The following FRMD3 variants were observed in gnomAD, a reference collection of about 807,000 sequenced individuals.
FRMD3 encodes the protein FERM domain-containing protein 3.
A neutral mutation model predicts 70.2 loss-of-function variants in FRMD3; 33 were observed. The observed-to-expected ratio is 0.47, with a 90% CI of 0.36 to 0.63. FRMD3 has a LOEUF of 0.63. Ranked by LOEUF, FRMD3 falls within the 20% of genes least tolerant of loss-of-function variation. The pLI is 0.00. For missense variants in FRMD3, 632 were observed against 711.4 expected (o/e 0.89, Z 1.27); for synonymous variants, 279 against 255.9 (o/e 1.09, Z -0.86).
At chr9:83,389,834 G>T (rs570698066) in intron 1 of FRMD3, 126 bp from the exon 2 acceptor site, 8 of 644,962 alleles carry the variant, frequency 1.2e-5, no homozygotes, top group Admixed American at 2.7e-5. Context: ...AGTCCCTGAA[G>T]AAGGGGCTTC....
intron 1 of FRMD3, among the ~76,000 whole-genome samples, chr9:83,398,413 A>G (rs1410593347): frequency 6.6e-6 from 1 of 152,216 alleles, no homozygotes; most frequent in South Asian, 2.1e-4. Flanking sequence ...GTAAAGAAAA[A>G]CAAGAATAGA....
chr9:83,267,834 G>A (rs917872018), intron 13 of FRMD3, among the ~76,000 whole-genome samples: 1 of 152,084 alleles, frequency 6.6e-6, no homozygotes, highest in Non-Finnish European at 1.5e-5. Context: ...ATCTCAATTC[G>A]AACCAGCTCC....
intron 1 of FRMD3, among the ~76,000 whole-genome samples, chr9:83,518,485 A>G (rs568016533): frequency 1.3e-5 from 2 of 152,326 alleles, no homozygotes; most frequent in East Asian, 3.9e-4. Context: ...CAAGGAAATA[A>G]GAGAGGACAC....
intron 1 of FRMD3, among the ~76,000 whole-genome samples, chr9:83,427,869 G>A (rs1025574496): frequency 1.3e-5 from 2 of 152,132 alleles, no homozygotes; most frequent in Non-Finnish European, 2.9e-5. Flanking sequence ...TCATGAGCTT[G>A]GCCAACTTTT....
chr9:83,425,343 T>C (rs936997670), intron 1 of FRMD3, among the ~76,000 whole-genome samples: 2 of 152,156 alleles, frequency 1.3e-5, no homozygotes, highest in East Asian at 1.9e-4. Context: ...ACAACTGGTA[T>C]GAGCATGTTC....
intron 1 of FRMD3, among the ~76,000 whole-genome samples, chr9:83,481,773 ATTAT>A (rs1828572197): frequency 6.6e-6 from 1 of 152,170 alleles, no homozygotes; most frequent in Non-Finnish European, 1.5e-5. Context: ...GCTGAATAAA[ATTAT>A]TTTAGTTTCT....
In FRMD3 at chr9:83,479,671, G is replaced by GGAAAGAAAGAAA. The variant is rs1290109477; in HGVS notation, c.147+58402_147+58413dup. Among the ~76,000 whole-genome samples the GGAAAGAAAGAAA allele has an allele frequency of 6.6e-3, 197 of 29,940 alleles. 10 individuals are homozygous for GGAAAGAAAGAAA. Among genetic ancestry groups the GGAAAGAAAGAAA allele is most frequent in the East Asian group, 0.023 (22 of 970 alleles). 19.6% of individuals were successfully genotyped at this position (29,940 alleles called of 152,430 possible). A position where few individuals can be genotyped will look rare whatever the true frequency, so the allele number is the denominator to read the frequency against. ...AGGAAGGAAGGAAGGAAGGAAGGAA[G>GGAAAGAAAGAAA]GAAAGAAAGAAAGAAAGAAAGAAAG... On this transcript the variant is annotated intron_variant, in intron 1 of 13. Coordinates refer to ENST00000304195, the MANE Select transcript of FRMD3 (RefSeq NM_174938.6).
intron 10 of FRMD3, among the ~76,000 whole-genome samples, chr9:83,303,947 A>G (rs1835019531): frequency 6.6e-6 from 1 of 152,070 alleles, no homozygotes; most frequent in Non-Finnish European, 1.5e-5. Flanking sequence ...CATCTAGTTT[A>G]TATATTTGCC....
chr9:83,581,858 A>C, the FRMD3 span, among the ~76,000 whole-genome samples: 4 of 152,214 alleles, frequency 2.6e-5, no homozygotes, highest in Non-Finnish European at 4.4e-5. Context: ...GAATTCTTTT[A>C]TGTGAAATGT....
At chr9:83,428,942 C>T (rs999534995) in intron 1 of FRMD3, among the ~76,000 whole-genome samples, 3 of 151,384 alleles carry the variant, frequency 2.0e-5, no homozygotes, top group Admixed American at 6.6e-5. Context: ...ATCTACTCTT[C>T]ATTGAAGCTA....
chr9:83,265,749 T>C (rs1833226649), intron 13 of FRMD3, among the ~76,000 whole-genome samples: 1 of 152,238 alleles, frequency 6.6e-6, no homozygotes, highest in East Asian at 1.9e-4. Flanking sequence ...TCAGGGTGAG[T>C]GATTATGTGG....
chr9:83,573,278 G>C, the FRMD3 span, among the ~76,000 whole-genome samples: 1 of 151,580 alleles, frequency 6.6e-6, no homozygotes, highest in Admixed American at 6.6e-5. Context: ...TGGTGGAGAA[G>C]GAGGAGAAAT....
intron 3 of FRMD3, among the ~76,000 whole-genome samples, chr9:83,355,484 TC>T (rs1313659930): frequency 6.6e-6 from 1 of 151,864 alleles, no homozygotes; most frequent in East Asian, 1.9e-4. Flanking sequence ...AAACCCCAAA[TC>T]CCCCAGAGGA....
rs74640990 is a variant in FRMD3 at position 83,329,284 on chromosome 9, G to A, written c.596+6232C>T. Among the ~76,000 whole-genome samples, 896 of 152,324 alleles carry A rather than the reference G, an allele frequency of 5.9e-3. 28 individuals are homozygous for A. Among genetic ancestry groups the A allele is most frequent in the Admixed American group, 0.045 (696 of 15,304 alleles). The stretch of plus-strand genomic sequence containing the variant: ...TTGATTTGATAATCTACCAGGGAGA[G>A]AGATTCTATGAGTTTGGAAGGGACT... On this transcript the variant is annotated intron_variant, in intron 6 of 13. Coordinates refer to ENST00000304195, the MANE Select transcript of FRMD3 (RefSeq NM_174938.6).
intron 1 of FRMD3, among the ~76,000 whole-genome samples, chr9:83,523,314 GATGGATGAATAGATAGATAGATA>G (rs1829620668): frequency 6.6e-6 from 1 of 152,142 alleles, no homozygotes; most frequent in Admixed American, 6.5e-5. Flanking sequence ...TGGATAGTTA[GATGGATGAATAGATAGATAGATA>G]GATGGATGAA....
chr9:83,460,305 T>G lies in FRMD3; in HGVS notation c.148-70597A>C. Among the ~76,000 whole-genome samples the G allele has an allele frequency of 1.3e-5, 2 of 152,340 alleles. 1 individual carries two copies. Among genetic ancestry groups the G allele is most frequent in the African/African-American group, 4.8e-5 (2 of 41,588 alleles). ...CACATCTCCTGACATGGTACTCTGA[T>G]GCCACCTGGCCAGATGTTCTCTGCC... is the stretch of plus-strand genomic sequence containing the variant. On this transcript the variant is annotated intron_variant, in intron 1 of 13. Transcript: ENST00000304195.
intron 13 of FRMD3, among the ~76,000 whole-genome samples, chr9:83,285,146 AC>A (rs1834151112): frequency 6.6e-6 from 1 of 152,180 alleles, no homozygotes; most frequent in South Asian, 2.1e-4. Flanking sequence ...AGGGCAAGAC[AC>A]TGTAAGCAAC....
intron 1 of FRMD3, among the ~76,000 whole-genome samples, chr9:83,426,860 AGGT>A (rs977893912): frequency 6.6e-6 from 1 of 152,234 alleles, no homozygotes; most frequent in African/African-American, 2.4e-5. Context: ...CAAGGAGATC[AGGT>A]GGTCCAGACA....
At chr9:83,384,387 G>T (rs1175731789) in intron 2 of FRMD3, among the ~76,000 whole-genome samples, 1 of 152,268 alleles carries the variant, frequency 6.6e-6, no homozygotes, top group Middle Eastern at 3.4e-3. Context: ...ACATAATGCT[G>T]TCTGGCTTCC....
Sources: allele counts gnomAD v4.1 joint callset (sites outside exome capture counted in the v4.1 genomes callset), GRCh38; gene constraint gnomAD v4.1.1; transcripts MANE v1.5; gene names NCBI Gene and HGNC (gene_info 2026-07-23, HGNC 2026-07-21).